The following HIVEP2 variants were observed in gnomAD, a reference collection of about 807,000 sequenced individuals.
HIVEP2 encodes transcription factor HIVEP2.
In HIVEP2, 14 loss-of-function variants were observed where a neutral mutation model predicts 180.7. That is an observed-to-expected ratio of 0.08 (90% CI 0.05 to 0.12). The LOEUF is 0.12. Ranked by LOEUF, HIVEP2 falls within the 10% of genes least tolerant of loss-of-function variation. The pLI is 1.00. For synonymous variants in HIVEP2, 1,184 were observed against 1,136.4 expected, an observed-to-expected ratio of 1.04 and a Z score of -0.84; for missense variants, 2,579 against 3,008.5, an observed-to-expected ratio of 0.86 and a Z score of 3.34.
At chr6:142,929,363 A>G (rs1777889076) in intron 1 of HIVEP2, among the ~76,000 whole-genome samples, 1 of 152,202 alleles carries the variant, frequency 6.6e-6, no homozygotes, top group Non-Finnish European at 1.5e-5. Flanking sequence ...AATCAGTATT[A>G]CCATAAATTT....
intron 1 of HIVEP2, among the ~76,000 whole-genome samples, chr6:142,856,721 T>C (rs1775830843): frequency 6.6e-6 from 1 of 152,160 alleles, no homozygotes; most frequent in African/African-American, 2.4e-5. Flanking sequence ...AGCAATGAAA[T>C]CTAGGTTATA....
At chr6:142,798,207 TG>T (rs1025360190) in intron 2 of HIVEP2, among the ~76,000 whole-genome samples, 14 of 151,746 alleles carry the variant, frequency 9.2e-5, no homozygotes, top group African/African-American at 3.4e-4. Flanking sequence ...TAGCTCCTCT[TG>T]CAGTGAGCTG....
In HIVEP2 at chr6:142,774,492, GC is replaced by G; in HGVS notation, c.246del (p.Lys82AsnfsTer77). ...GGACTCGGACGATGCGGTGGATATT[GC>G]TTCTCTGCGACTTGCTGCACCACTT... ...PSEVVQQVAE[K>X]QYPPHRPSPY... On this transcript the variant is annotated frameshift_variant, in exon 5 of 10. Coordinates refer to ENST00000367603, the MANE Select transcript of HIVEP2 (RefSeq NM_006734.4). LOFTEE classifies it high-confidence loss of function. The surrounding 1 kb of genome is among the most constrained non-coding windows in gnomAD (Gnocchi z 5.1). The G allele has an allele frequency of 6.2e-7, 1 of 1,614,162 alleles. No individual in the cohort carries two copies. Among genetic ancestry groups the G allele is most frequent in the Non-Finnish European group, 8.5e-7 (1 of 1,180,030 alleles).
rs781421928 is a variant in HIVEP2, at chr6:142,753,651, G to A, written c.6797C>T (p.Ala2266Val). 1.9e-5 allele frequency: 30 copies of A among 1,614,028 alleles called. 1 individual carries two copies. Among genetic ancestry groups the A allele is most frequent in the South Asian group, 1.4e-4 (13 of 91,090 alleles). Residue 2266 changes from alanine to valine, a missense_variant, in exon 10 of 10, where the codon GCG becomes GTG. Transcript: ENST00000367603. Reference protein sequence around the residue: ...PMEGFEEKKGASGESFSKDPY... With the variant: ...PMEGFEEKKGVSGESFSKDPY... The stretch of plus-strand genomic sequence containing the variant: ...GTCCTTGGAGAAGGACTCCCCTGAC[G>A]CGCCTTTCTTCTCCTCAAAGCCCTC...
rs146506717 is a variant in HIVEP2, at chr6:142,878,289, T to C, written c.-640-41242A>G. On this transcript the variant is annotated intron_variant, in intron 1 of 9. Transcript: ENST00000367603. ...CATTAATCACTGCATAGCTAACAAA[T>C]GTTCCCAATTTCAACATGTATTTCA... 1.1e-3 allele frequency among the ~76,000 whole-genome samples: 174 copies of C among 152,288 alleles called. No homozygotes were observed. The East Asian group carries it at 0.016, about 14-fold the overall frequency.
intron 2 of HIVEP2, among the ~76,000 whole-genome samples, chr6:142,811,364 C>T (rs905658250): frequency 2.0e-5 from 3 of 152,194 alleles, no homozygotes; most frequent in Non-Finnish European, 4.4e-5. Context: ...AGAGTGGTCA[C>T]TTAAGATCAG....
At chr6:142,905,925 G>T (rs1562286667) in intron 1 of HIVEP2, among the ~76,000 whole-genome samples, 1 of 152,222 alleles carries the variant, frequency 6.6e-6, no homozygotes, top group East Asian at 1.9e-4. Context: ...CTGGAAGTCA[G>T]GAGTTCGAGA....
At chr6:142,855,503 A>C (rs1775795624) in intron 1 of HIVEP2, among the ~76,000 whole-genome samples, 1 of 152,252 alleles carries the variant, frequency 6.6e-6, no homozygotes, top group African/African-American at 2.4e-5. Context: ...ACAAACAAAA[A>C]CAAAATGGGC....
chr6:142,840,442 A>G (rs1775334409), intron 1 of HIVEP2, among the ~76,000 whole-genome samples: 1 of 152,056 alleles, frequency 6.6e-6, no homozygotes. Context: ...AACCAGAAAA[A>G]CACCATTTAT....
chr6:142,926,129 A>T (rs1246496660), intron 1 of HIVEP2, among the ~76,000 whole-genome samples: 1 of 152,192 alleles, frequency 6.6e-6, no homozygotes, highest in Non-Finnish European at 1.5e-5. Context: ...GCAAATTTAA[A>T]CTTTTTTTAA....
chr6:142,806,040 C>T (rs913146780), intron 2 of HIVEP2, among the ~76,000 whole-genome samples: 3 of 152,100 alleles, frequency 2.0e-5, no homozygotes, highest in African/African-American at 4.8e-5. Context: ...CTAACATCTT[C>T]GTCTAAAAAG....
At chr6:142,870,920 T>C (rs1025655645) in intron 1 of HIVEP2, among the ~76,000 whole-genome samples, 2 of 152,190 alleles carry the variant, frequency 1.3e-5, no homozygotes, top group African/African-American at 4.8e-5. Flanking sequence ...CCTCACAGTG[T>C]GCTGAGAGCC....
intron 1 of HIVEP2, among the ~76,000 whole-genome samples, chr6:142,890,537 A>G (rs940392263): frequency 6.6e-6 from 1 of 152,200 alleles, no homozygotes; most frequent in African/African-American, 2.4e-5. Flanking sequence ...ACACAGAGAG[A>G]TGGATCAGAG....
At chr6:142,916,356 C>T (rs1390739494) in intron 1 of HIVEP2, among the ~76,000 whole-genome samples, 1 of 152,166 alleles carries the variant, frequency 6.6e-6, no homozygotes, top group East Asian at 1.9e-4. Flanking sequence ...GGATGAAGAC[C>T]AAAATCCTAA....
chr6:142,820,307 C>CTCTCTT (rs1232983839), intron 2 of HIVEP2, among the ~76,000 whole-genome samples: 1 of 151,808 alleles, frequency 6.6e-6, no homozygotes. Context: ...TTCTCTCTCT[C>CTCTCTT]TCTCTCTCTC....
At chr6:142,811,183 ATGTG>A (rs35151863) in intron 2 of HIVEP2, among the ~76,000 whole-genome samples, 1 of 148,624 alleles carries the variant, frequency 6.7e-6, no homozygotes, top group Non-Finnish European at 1.5e-5. Context: ...AGGCACGTGC[ATGTG>A]TGTGTGTGTG....
chr6:142,776,792 C>A (rs1209188130), intron 3 of HIVEP2, among the ~76,000 whole-genome samples: 1 of 152,106 alleles, frequency 6.6e-6, no homozygotes, highest in African/African-American at 2.4e-5. Flanking sequence ...CTTGGCCTCC[C>A]AAAGCGTTAG....
At chr6:142,807,339 T>C (rs1029545073) in intron 2 of HIVEP2, among the ~76,000 whole-genome samples, 21 of 152,156 alleles carry the variant, frequency 1.4e-4, no homozygotes, top group Admixed American at 3.9e-4. Context: ...TGAATTTGCA[T>C]TGACGCCAAC....
intron 9 of HIVEP2, among the ~76,000 whole-genome samples, chr6:142,757,530 G>A (rs898426449): frequency 1.3e-5 from 2 of 152,032 alleles, no homozygotes; most frequent in Admixed American, 1.3e-4. Flanking sequence ...GTGGTGGCAC[G>A]TGCCTATAGG....
Sources: gnomAD v4.1 joint callset for allele counts (sites outside exome capture counted in the v4.1 genomes callset) on GRCh38, gnomAD v4.1.1 for gene constraint, Gnocchi (gnomAD v3.1) non-coding constraint, MANE v1.5 for transcripts, NCBI Gene and HGNC (gene_info 2026-07-23, HGNC 2026-07-21) for gene names.